INPP5A: variants seen among roughly 807,000 people sequenced by gnomAD.
The protein encoded by INPP5A is 43 kDa inositol polyphosphate 5-phophatase.
INPP5A carries 14 observed loss-of-function variants against 65.2 expected under a neutral mutation model. That is an observed-to-expected ratio of 0.21 (90% confidence interval 0.14 to 0.34). The LOEUF is 0.34. INPP5A is among the 10% of genes least tolerant of loss of function. The pLI is 1.00. For synonymous variants in INPP5A, 207 were observed against 208.3 expected (o/e 0.99, Z 0.05); for missense variants, 431 against 545.6 (o/e 0.79, Z 2.09).
chr10:132,646,131 C>T (rs921592275), intron 3 of INPP5A, among the ~76,000 whole-genome samples, 163 bp downstream of exon 3: 3 of 152,182 alleles, frequency 2.0e-5, no homozygotes, highest in African/African-American at 4.8e-5. Context: ...GTGGCCCAGA[C>T]GTGTGGCCAC....
chr10:132,724,274 A>G (rs1225801776), intron 8 of INPP5A, among the ~76,000 whole-genome samples: 1 of 152,248 alleles, frequency 6.6e-6, no homozygotes, highest in Non-Finnish European at 1.5e-5. Context: ...CACGTTGAAT[A>G]AATGGTGCCG....
rs1199379166 is a variant in INPP5A at position 132,675,479 on chromosome 10, T to C, written c.307-14913T>C. Among the ~76,000 whole-genome samples the C allele has an allele frequency of 6.6e-6, 1 of 152,124 alleles. No homozygotes were observed. The highest frequency in any genetic ancestry group is 1.5e-5 in the Non-Finnish European group (1 of 68,020). The stretch of plus-strand genomic sequence containing the variant: ...GCGGGCAAATGGCCATGGGCATTGG[T>C]TGTGTAAACCGAGGCACCTCCTGCA... On this transcript the variant is annotated intron_variant, in intron 4 of 15. Coordinates refer to ENST00000368594, the MANE Select transcript of INPP5A (RefSeq NM_005539.5). This position sits in a 1 kb window ranked among gnomAD's most constrained non-coding sequence, Gnocchi z 4.2.
intron 1 of INPP5A, among the ~76,000 whole-genome samples, chr10:132,552,529 C>T (rs1232842507): frequency 7.4e-6 from 1 of 135,326 alleles, no homozygotes; most frequent in African/African-American, 2.8e-5. Context: ...TGGTGAACGC[C>T]TTCTCAGAGC....
chr10:132,708,556 TC>T, intron 7 of INPP5A, 191 bp downstream of exon 7: 1 of 730,456 alleles, frequency 1.4e-6, no homozygotes, highest in Non-Finnish European at 2.6e-6. Context: ...TTGTCACTGT[TC>T]CCTGTAAGTC....
chr10:132,620,434 G>T (rs1404331123), intron 2 of INPP5A, among the ~76,000 whole-genome samples: 1 of 152,150 alleles, frequency 6.6e-6, no homozygotes, highest in Non-Finnish European at 1.5e-5. Context: ...AGTGTAGGCT[G>T]TTAGAAGCAG....
In INPP5A at chr10:132,559,889, T is replaced by C. The variant is rs138966300; in HGVS notation, c.75+21718T>C. On this transcript the variant is annotated intron_variant, in intron 1 of 15. Coordinates refer to ENST00000368594, the MANE Select transcript of INPP5A (RefSeq NM_005539.5). The stretch of plus-strand genomic sequence containing the variant: ...AGATCACATTTCATGTATCTGTTCA[T>C]CAGTGGATGGACATGAGTGTCCATG... Among the ~76,000 whole-genome samples, 802 of 152,378 alleles carry C rather than the reference T, an allele frequency of 5.3e-3. 5 individuals are homozygous for C. The highest frequency in any genetic ancestry group is 0.018 in the African/African-American group (762 of 41,592).
intron 2 of INPP5A, among the ~76,000 whole-genome samples, chr10:132,608,412 C>G (rs1437914749): frequency 6.6e-6 from 1 of 152,190 alleles, no homozygotes; most frequent in Non-Finnish European, 1.5e-5. Context: ...CACTGCCAGG[C>G]CGAGGCACGG....
At chr10:132,730,409 C>T (rs994256460) in intron 9 of INPP5A, among the ~76,000 whole-genome samples, 1 of 152,242 alleles carries the variant, frequency 6.6e-6, no homozygotes, top group Admixed American at 6.5e-5. Flanking sequence ...GCGTGGGCAG[C>T]GCGGGAGGGG....
intron 2 of INPP5A, among the ~76,000 whole-genome samples, chr10:132,617,696 G>A (rs1302962305): frequency 6.6e-6 from 1 of 152,234 alleles, no homozygotes. Context: ...CGTCTGGCAC[G>A]TGGCGTGTGT....
chr10:132,589,458 G>A (rs959150063), intron 1 of INPP5A, among the ~76,000 whole-genome samples: 3 of 152,260 alleles, frequency 2.0e-5, no homozygotes, highest in African/African-American at 7.2e-5. Flanking sequence ...GGTAGGGGCC[G>A]CGGTCCAAGC....
chr10:132,687,187 C>T (rs908707900), intron 4 of INPP5A, among the ~76,000 whole-genome samples: 21 of 152,206 alleles, frequency 1.4e-4, no homozygotes, highest in South Asian at 4.1e-4. Context: ...TCGAGTGATC[C>T]GCTGCCTCGC....
intron 6 of INPP5A, among the ~76,000 whole-genome samples, chr10:132,701,035 A>G (rs1370002084): frequency 6.6e-6 from 1 of 152,222 alleles, no homozygotes; most frequent in Non-Finnish European, 1.5e-5. Context: ...GCAAGCTCTC[A>G]TGAAGGATGA....
intron 13 of INPP5A, among the ~76,000 whole-genome samples, chr10:132,778,377 G>A (rs1247089370): frequency 7.4e-6 from 1 of 134,240 alleles, no homozygotes. Context: ...GGCCAGGCTG[G>A]TCTCAAATTC....
intron 1 of INPP5A, among the ~76,000 whole-genome samples, chr10:132,584,746 T>C (rs2071526830): frequency 6.6e-6 from 1 of 152,196 alleles, no homozygotes; most frequent in Admixed American, 6.5e-5. Context: ...GTTAATTTAC[T>C]TATTTTTGAG....
chr10:132,652,086 C>G (rs1279017254), intron 4 of INPP5A, among the ~76,000 whole-genome samples: 1 of 152,186 alleles, frequency 6.6e-6, no homozygotes, highest in Admixed American at 6.5e-5. Context: ...GCTTCTTTCT[C>G]TCAGCTCTGC....
intron 1 of INPP5A, among the ~76,000 whole-genome samples, chr10:132,565,566 C>T (rs544640199): frequency 5.9e-5 from 9 of 152,160 alleles, no homozygotes; most frequent in South Asian, 2.1e-4. Context: ...TGTATGTGTG[C>T]GTATGTCTGT....
At chr10:132,691,877 C>T (rs1432362655) in intron 5 of INPP5A, among the ~76,000 whole-genome samples, 1 of 150,760 alleles carries the variant, frequency 6.6e-6, no homozygotes, top group Non-Finnish European at 1.5e-5. Context: ...TCGCGGGAGA[C>T]GTGTGGTCGC....
At chr10:132,657,935 C>T (rs75597625) in intron 4 of INPP5A, among the ~76,000 whole-genome samples, 2,252 of 152,366 alleles carry the variant, frequency 0.015, 33 homozygotes, top group South Asian at 0.039. Flanking sequence ...GCTGTCTCCT[C>T]AGCGGGCAGG....
At position 132,600,197 on chromosome 10, in the gene INPP5A, C is replaced by T. The variant is rs559550367; in HGVS notation, c.76-7718C>T. ...GCTTCAAATTTTCCAAGCTTTTATGCTCTGCTTCCCTTAGAAAACTGAATG... is the reference window on the plus strand; with the variant it reads ...GCTTCAAATTTTCCAAGCTTTTATGTTCTGCTTCCCTTAGAAAACTGAATG... On this transcript the variant is annotated intron_variant, in intron 1 of 15. Transcript: ENST00000368594. 2.0e-5 allele frequency among the ~76,000 whole-genome samples: 3 copies of T among 152,332 alleles called. No homozygotes were observed. In the East Asian group the frequency reaches 5.8e-4, roughly 29 times the overall value.
Sources: gnomAD v4.1 joint callset for allele counts (sites outside exome capture counted in the v4.1 genomes callset) on GRCh38, gnomAD v4.1.1 for gene constraint, Gnocchi (gnomAD v3.1) non-coding constraint, MANE v1.5 for transcripts, NCBI Gene and HGNC (gene_info 2026-07-23, HGNC 2026-07-21) for gene names.